Variants in TTC27 observed in about 807,000 individuals in gnomAD.
TTC27 encodes tetratricopeptide repeat domain 27.
Under a neutral mutation model 115.9 loss-of-function variants are expected in TTC27, and 79 were observed. The ratio of observed to expected loss-of-function variants is 0.68; its 90% CI spans 0.57 to 0.82. The LOEUF (loss-of-function observed/expected upper bound fraction) is 0.82. TTC27 is among the 40% of genes least tolerant of loss of function. The probability of loss-of-function intolerance (pLI) is 0.00; values close to 1 mark genes in which losing one functional copy is unlikely to be tolerated. For synonymous variants in TTC27, 401 were observed against 356.0 expected, an observed-to-expected ratio of 1.13 and a Z score of -1.42; for missense variants, 1,054 against 993.1, an observed-to-expected ratio of 1.06 and a Z score of -0.82.
Position 32,814,132 on chromosome 2 carries a change from A to G in TTC27, c.2308+1517A>G, listed in dbSNP as rs75856618. 4.5e-3 allele frequency among the ~76,000 whole-genome samples: 682 copies of G among 152,342 alleles called. 8 individuals carry two copies. Among genetic ancestry groups the G allele is most frequent in the African/African-American group, 0.016 (663 of 41,576 alleles). On this transcript the variant is annotated intron_variant, in intron 18 of 19. Coordinates refer to ENST00000317907, the MANE Select transcript of TTC27 (RefSeq NM_017735.5). ...CAACTTGCCAACTCTAAGCATTTCT[A>G]TGAACTGCTCGTCTGTAACAGTCAA...
At chr2:32,728,751 A>G (rs952338547) in intron 10 of TTC27, among the ~76,000 whole-genome samples, 1 of 152,170 alleles carries the variant, frequency 6.6e-6, no homozygotes, top group East Asian at 1.9e-4. Context: ...TGTATGAGGA[A>G]AGACTGGGTT....
intron 9 of TTC27, among the ~76,000 whole-genome samples, chr2:32,682,256 C>T (rs573146942): frequency 2.0e-5 from 3 of 152,218 alleles, no homozygotes; most frequent in African/African-American, 7.2e-5. Context: ...TTAGGTAGTA[C>T]TGCATGATAC....
At chr2:32,804,744 A>C (rs1433224567) in intron 16 of TTC27, among the ~76,000 whole-genome samples, 1 of 151,956 alleles carries the variant, frequency 6.6e-6, no homozygotes, top group Non-Finnish European at 1.5e-5. Context: ...AAAGGAGATA[A>C]AACAGTTTAT....
intron 4 of TTC27, among the ~76,000 whole-genome samples, chr2:32,643,527 A>G (rs6757767): frequency 0.85 from 128,791 of 151,416 alleles, 54,823 homozygotes; most frequent in East Asian, 0.89. Context: ...AACTGGTCTC[A>G]AACTCCTGAC....
chr2:32,703,655 C>T (rs781615406), intron 10 of TTC27, among the ~76,000 whole-genome samples: 1 of 152,100 alleles, frequency 6.6e-6, no homozygotes, highest in Non-Finnish European at 1.5e-5. Flanking sequence ...ATTCAGGTAC[C>T]GTTCTTCATT....
intron 10 of TTC27, among the ~76,000 whole-genome samples, chr2:32,733,531 C>A (rs762450651): frequency 6.6e-6 from 1 of 152,106 alleles, no homozygotes; most frequent in African/African-American, 2.4e-5. Context: ...AACAGTTCTT[C>A]ATAGAAGAAG....
chr2:32,745,129 A>G (rs1558321382), intron 12 of TTC27, among the ~76,000 whole-genome samples: 1 of 151,328 alleles, frequency 6.6e-6, no homozygotes. Flanking sequence ...TCTATAGACT[A>G]GATTATGCAA....
intron 2 of TTC27, 56 bp from the exon 3 acceptor site, chr2:32,633,820 G>C (rs376250657): frequency 3.2e-6 from 5 of 1,547,664 alleles, no homozygotes; most frequent in East Asian, 2.3e-5. Context: ...TAGTGTGTTT[G>C]AGATTATACA....
At chr2:32,766,165 C>A (rs1386075834) in intron 13 of TTC27, among the ~76,000 whole-genome samples, 1 of 152,158 alleles carries the variant, frequency 6.6e-6, no homozygotes, top group Admixed American at 6.5e-5. Flanking sequence ...TTCTAGCTTT[C>A]TTTTCATTTG....
intron 13 of TTC27, among the ~76,000 whole-genome samples, chr2:32,761,112 C>T (rs1368473985): frequency 6.6e-6 from 1 of 152,180 alleles, no homozygotes; most frequent in African/African-American, 2.4e-5. Flanking sequence ...TCCAACCTAA[C>T]ATTTACAGTA....
intron 9 of TTC27, among the ~76,000 whole-genome samples, chr2:32,683,225 G>C (rs551924461): frequency 6.6e-6 from 1 of 152,164 alleles, no homozygotes; most frequent in East Asian, 1.9e-4. Context: ...CCTGACCTCA[G>C]GTGATGCACC....
intron 16 of TTC27, among the ~76,000 whole-genome samples, chr2:32,806,819 T>C (rs1413695861): frequency 2.0e-5 from 3 of 152,148 alleles, no homozygotes; most frequent in Non-Finnish European, 2.9e-5. Context: ...GAACCACTTT[T>C]TAAGATTGAA....
intron 10 of TTC27, among the ~76,000 whole-genome samples, chr2:32,723,670 T>G (rs80143832): frequency 0.023 from 3,396 of 149,106 alleles, 73 homozygotes; most frequent in African/African-American, 0.053. Flanking sequence ...AAGTAGTAGC[T>G]AATTATTGTT....
At position 32,796,846 on chromosome 2, in the gene TTC27, T is replaced by C. The variant is rs146820195; in HGVS notation, c.1998+9697T>C. ...AACTAAAAGCTCAGAAATCTGTGTA[T>C]ATGGTCAAAGGATTTTTTTTTCTTT... On this transcript the variant is annotated intron_variant, in intron 16 of 19. Coordinates refer to ENST00000317907, the MANE Select transcript of TTC27 (RefSeq NM_017735.5). Among the ~76,000 whole-genome samples, 27 of 152,164 alleles carry C rather than the reference T, an allele frequency of 1.8e-4. No homozygotes were observed. In the East Asian group the frequency reaches 5.0e-3, roughly 28 times the overall value.
At chr2:32,667,491 A>T (rs1273082576) in intron 7 of TTC27, among the ~76,000 whole-genome samples, 4 of 146,314 alleles carry the variant, frequency 2.7e-5, no homozygotes, top group African/African-American at 5.1e-5. Flanking sequence ...ATCTCGGCTC[A>T]ATGCATCCTC....
intron 4 of TTC27, 111 bp downstream of exon 4, chr2:32,640,521 T>A (rs1572465491): frequency 8.9e-7 from 1 of 1,125,706 alleles, no homozygotes; most frequent in Non-Finnish European, 1.3e-6. Context: ...TTTCTAAGTC[T>A]TCTAGGTATG....
chr2:32,788,882 G>T (rs1670437064), intron 16 of TTC27, among the ~76,000 whole-genome samples: 1 of 148,156 alleles, frequency 6.7e-6, no homozygotes, highest in Non-Finnish European at 1.5e-5. Context: ...CGCTTCCCAA[G>T]GCACATAGAG....
chr2:32,796,667 A>G (rs1670711795), intron 16 of TTC27, among the ~76,000 whole-genome samples: 1 of 152,152 alleles, frequency 6.6e-6, no homozygotes, highest in Non-Finnish European at 1.5e-5. Flanking sequence ...TTCAAATGGA[A>G]TCTCAAGAGA....
chr2:32,755,483 T>C (rs1185481349), intron 12 of TTC27, among the ~76,000 whole-genome samples: 1 of 152,146 alleles, frequency 6.6e-6, no homozygotes, highest in African/African-American at 2.4e-5. Context: ...CTCGGCAGGC[T>C]GAGGCAGGAG....
Sources: gnomAD v4.1 joint callset for allele counts (sites outside exome capture counted in the v4.1 genomes callset) on GRCh38, gnomAD v4.1.1 for gene constraint, MANE v1.5 for transcripts, NCBI Gene and HGNC (gene_info 2026-07-23, HGNC 2026-07-21) for gene names.